The following SCN11A variants were observed in gnomAD, a reference collection of about 807,000 sequenced individuals.
SCN11A encodes the protein sodium channel protein type 11 subunit alpha.
In SCN11A, 122 loss-of-function variants were observed where a neutral mutation model predicts 162.2. That is an observed-to-expected ratio of 0.75 (90% confidence interval 0.65 to 0.87). SCN11A has a LOEUF of 0.87. SCN11A is among the 40% of genes least tolerant of loss of function. The pLI is 0.00. For missense variants in SCN11A, 2,015 were observed against 2,181.6 expected, an observed-to-expected ratio of 0.92 and a Z score of 1.52; for synonymous variants, 758 against 751.5, an observed-to-expected ratio of 1.01 and a Z score of -0.14.
chr3:38,862,654 T>C (rs1275411045), intron 28 of SCN11A, among the ~76,000 whole-genome samples: 1 of 152,080 alleles, frequency 6.6e-6, no homozygotes, highest in Non-Finnish European at 1.5e-5. Flanking sequence ...GAAAATCAAG[T>C]ATTGTATGTT....
intron 2 of SCN11A, among the ~76,000 whole-genome samples, 88 bp downstream of exon 2, chr3:39,032,292 T>A (rs1245193086): frequency 1.3e-5 from 2 of 152,224 alleles, no homozygotes; most frequent in African/African-American, 2.4e-5. Flanking sequence ...TGGTTATAAA[T>A]AAAGGCTCTA....
chr3:38,850,282 TAAGGGA>T, intron 29 of SCN11A, 193 bp downstream of exon 29: 1 of 573,758 alleles, frequency 1.7e-6, no homozygotes, highest in Non-Finnish European at 3.1e-6. Context: ...TGTAGTGAGT[TAAGGGA>T]ACAGAAATTA....
At chr3:38,987,984 GAA>G (rs1305687415) in intron 2 of SCN11A, among the ~76,000 whole-genome samples, 3 of 152,192 alleles carry the variant, frequency 2.0e-5, no homozygotes, top group Non-Finnish European at 4.4e-5. Context: ...AAGCGTGAGG[GAA>G]ACAGTCATAC....
chr3:38,890,808 G>A (rs1170156735), intron 19 of SCN11A, among the ~76,000 whole-genome samples: 1 of 152,254 alleles, frequency 6.6e-6, no homozygotes, highest in East Asian at 1.9e-4. Flanking sequence ...ACTCTCCTAG[G>A]AGTGACACCA....
chr3:38,908,637 C>A (rs1484271237), intron 13 of SCN11A, among the ~76,000 whole-genome samples: 1 of 152,056 alleles, frequency 6.6e-6, no homozygotes, highest in Non-Finnish European at 1.5e-5. Flanking sequence ...GCAAAGGCGC[C>A]GAACACAAAC....
At chr3:38,897,838 A>G (rs1306624648) in intron 17 of SCN11A, among the ~76,000 whole-genome samples, 1 of 152,220 alleles carries the variant, frequency 6.6e-6, no homozygotes, top group Non-Finnish European at 1.5e-5. Context: ...ATTATATGTA[A>G]TATACCAAGC....
chr3:38,926,532 A>T (rs1375651139), intron 8 of SCN11A, among the ~76,000 whole-genome samples: 1 of 149,342 alleles, frequency 6.7e-6, no homozygotes, highest in African/African-American at 2.5e-5. Flanking sequence ...TGTATCTTCC[A>T]TAGAGCCTGG....
chr3:39,043,400 A>C (rs1188479571), intron 1 of SCN11A, among the ~76,000 whole-genome samples: 1 of 151,288 alleles, frequency 6.6e-6, no homozygotes, highest in African/African-American at 2.4e-5. Flanking sequence ...AATAGCCAAG[A>C]TTTGGAAGCA....
intron 4 of SCN11A, chr3:38,950,620 C>G (rs990977109): frequency 6.4e-6 from 3 of 467,774 alleles, no homozygotes; most frequent in African/African-American, 2.0e-5. Context: ...TGGCAAAAGG[C>G]GGGAAGTTGA....
At chr3:38,961,187 C>A (rs1334788430) in intron 2 of SCN11A, among the ~76,000 whole-genome samples, 1 of 152,104 alleles carries the variant, frequency 6.6e-6, no homozygotes, top group Admixed American at 6.5e-5. Flanking sequence ...ACAAGGGGCG[C>A]TGAATACTGG....
At chr3:38,879,851 C>T in intron 23 of SCN11A, 99 bp downstream of exon 23, 1 of 868,812 alleles carries the variant, frequency 1.2e-6, no homozygotes, top group African/African-American at 1.7e-5. Context: ...CTATTTTAGA[C>T]AGACATCCAT....
intron 29 of SCN11A, 112 bp from the exon 30 acceptor site, chr3:38,847,854 A>G: frequency 1.6e-6 from 1 of 620,574 alleles, no homozygotes; most frequent in Non-Finnish European, 2.8e-6. Flanking sequence ...AATACTTTGT[A>G]GCTTATGTAC....
intron 27 of SCN11A, 28 bp from the exon 28 acceptor site, chr3:38,863,327 C>A (rs760480111): frequency 1.0e-5 from 12 of 1,151,288 alleles, no homozygotes; most frequent in African/African-American, 9.4e-5. Context: ...GAGCTAATTA[C>A]CTTTAACAGT....
Position 39,019,936 on chromosome 3 carries a change from C to A in SCN11A, c.-280+12444G>T, listed in dbSNP as rs115296233. ...TTTGTATCATTGTTATTATAAACTT[C>A]TTGTTTTTCCACATTATGAGTAAAG... On this transcript the variant is annotated intron_variant, in intron 2 of 29. Coordinates refer to ENST00000302328, the MANE Select transcript of SCN11A (RefSeq NM_001349253.2). 5.1e-3 allele frequency among the ~76,000 whole-genome samples: 770 copies of A among 152,190 alleles called. 7 individuals are homozygous for A. The highest frequency in any genetic ancestry group is 0.018 in the African/African-American group (734 of 41,506).
At chr3:39,021,763 G>T (rs2031458642) in intron 2 of SCN11A, among the ~76,000 whole-genome samples, 1 of 152,174 alleles carries the variant, frequency 6.6e-6, no homozygotes, top group Admixed American at 6.6e-5. Context: ...ATACGACTCA[G>T]GTAAAATTCA....
rs578172171 is a variant in SCN11A, at chr3:38,923,322, A to G, written c.713-2067T>C. 5.9e-5 allele frequency among the ~76,000 whole-genome samples: 9 copies of G among 152,222 alleles called. No individual in the cohort carries two copies. The South Asian group carries it at 1.9e-3, about 32-fold the overall frequency. On this transcript the variant is annotated intron_variant, in intron 9 of 29. Transcript: ENST00000302328. Reference sequence around the variant, plus strand: ...CTCTTTAGATCTCACGGCTTTAAATATCTATAGACCCTTGATTCCTGAAAT... The same window carrying G: ...CTCTTTAGATCTCACGGCTTTAAATGTCTATAGACCCTTGATTCCTGAAAT...
chr3:38,847,506 C>G lies in SCN11A; in HGVS notation c.4564G>C (p.Val1522Leu), dbSNP rs965494346. 3.7e-6 allele frequency: 6 copies of G among 1,614,176 alleles called. No individual in the cohort carries two copies. The highest frequency in any genetic ancestry group is 5.1e-6 in the Non-Finnish European group (6 of 1,180,020). The part of the protein sequence containing the change: ...AILGMNWFSK[V>L]NPESGIDDIF... ...TCATCGATTCCAGACTCTGGATTCA[C>G]TTTGGAAAACCAGTTCATACCCAGA... is the stretch of plus-strand genomic sequence containing the variant. The change falls in exon 30 of 30, where the codon GTG becomes CTG. Residue 1522 changes from valine to leucine, a missense_variant. Physicochemically the swap from Val to Leu is conservative, Grantham distance 32. Transcript: ENST00000302328.
At chr3:38,905,496 CAAAT>C (rs962827533) in intron 14 of SCN11A, among the ~76,000 whole-genome samples, 175 bp from the exon 15 acceptor site, 1 of 152,212 alleles carries the variant, frequency 6.6e-6, no homozygotes, top group African/African-American at 2.4e-5. Context: ...TCATGTTTAA[CAAAT>C]AAGAGAAATC....
At chr3:38,920,266 G>A (rs569480300) in intron 10 of SCN11A, among the ~76,000 whole-genome samples, 3 of 152,208 alleles carry the variant, frequency 2.0e-5, no homozygotes, top group African/African-American at 7.2e-5. Context: ...ATACTGAACC[G>A]AAGATCCTCC....
Sources: allele counts gnomAD v4.1 joint callset (sites outside exome capture counted in the v4.1 genomes callset), GRCh38; gene constraint gnomAD v4.1.1; transcripts MANE v1.5; gene names NCBI Gene and HGNC (gene_info 2026-07-23, HGNC 2026-07-21).